The following IFT74 variants were observed in gnomAD, a reference collection of about 807,000 sequenced individuals.
The protein encoded by IFT74 is intraflagellar transport 74.
A neutral mutation model predicts 96.7 loss-of-function variants in IFT74; 92 were observed. The ratio of observed to expected loss-of-function variants is 0.95; its 90% confidence interval spans 0.80 to 1.13. IFT74 has a LOEUF of 1.13. IFT74 is among the 50% of genes most tolerant of loss of function. The pLI, the probability that IFT74 is intolerant of heterozygous loss-of-function variation, is 0.00. For missense variants in IFT74, 811 were observed against 698.2 expected, an observed-to-expected ratio of 1.16 and a Z score of -1.82; for synonymous variants, 223 against 213.2, an observed-to-expected ratio of 1.05 and a Z score of -0.40.
In IFT74 at chr9:26,998,085, A is replaced by G; in HGVS notation, c.587+7890A>G. On this transcript the variant is annotated intron_variant, in intron 8 of 19. Transcript: ENST00000380062. ...AAGATAGTAACCTTGTTCTCAATCA[A>G]ATAGAGCTCTGTGAGTAAAAAGTAT... 3 of 1,613,648 alleles carry G rather than the reference A, an allele frequency of 1.9e-6. No individual in the cohort carries two copies. In the South Asian group the frequency reaches 3.3e-5, roughly 18 times the overall value.
At chr9:26,979,926 G>A (rs563910444) in intron 3 of IFT74, among the ~76,000 whole-genome samples, 27 of 151,924 alleles carry the variant, frequency 1.8e-4, no homozygotes, top group African/African-American at 6.0e-4. Context: ...TATTGGCCAG[G>A]CTGGTCTTGA....
chr9:26,958,806 T>G (rs936031643), intron 1 of IFT74, among the ~76,000 whole-genome samples: 2 of 151,836 alleles, frequency 1.3e-5, no homozygotes, highest in African/African-American at 4.8e-5. Flanking sequence ...AAACCCTGAG[T>G]GTGGATAAGG....
At chr9:27,024,129 C>G (rs1207775202) in intron 12 of IFT74, among the ~76,000 whole-genome samples, 1 of 152,156 alleles carries the variant, frequency 6.6e-6, no homozygotes, top group Non-Finnish European at 1.5e-5. Flanking sequence ...CAGCTAATTC[C>G]ACTGCCTGTA....
chr9:27,037,586 G>C (rs937460351), intron 13 of IFT74, among the ~76,000 whole-genome samples: 2 of 152,204 alleles, frequency 1.3e-5, no homozygotes, highest in Admixed American at 1.3e-4. Context: ...TATAGAAGAA[G>C]AGGCCTAATA....
intron 10 of IFT74, among the ~76,000 whole-genome samples, chr9:27,014,556 T>C (rs1829254542): frequency 6.6e-6 from 1 of 152,200 alleles, no homozygotes; most frequent in Non-Finnish European, 1.5e-5. Flanking sequence ...TATGTGCAAA[T>C]TAAGATAACA....
intron 13 of IFT74, among the ~76,000 whole-genome samples, chr9:27,040,174 A>T (rs1156269299): frequency 6.6e-6 from 1 of 152,170 alleles, no homozygotes; most frequent in African/African-American, 2.4e-5. Flanking sequence ...TTGGCATAAT[A>T]TGTTAAAAGG....
chr9:26,963,114 G>A (rs985651631), intron 2 of IFT74, among the ~76,000 whole-genome samples: 9 of 151,568 alleles, frequency 5.9e-5, no homozygotes, highest in African/African-American at 1.2e-4. Flanking sequence ...CTCTCTCCCC[G>A]CACCCCACAA....
intron 11 of IFT74, among the ~76,000 whole-genome samples, chr9:27,018,205 T>G (rs1174814546): frequency 1.3e-5 from 2 of 152,214 alleles, no homozygotes; most frequent in African/African-American, 2.4e-5. Context: ...ATTTATTGCT[T>G]GTCAATGATA....
At chr9:27,047,435 A>C in intron 15 of IFT74, 64 bp downstream of exon 15, 1 of 951,230 alleles carries the variant, frequency 1.1e-6, no homozygotes, top group Non-Finnish European at 1.6e-6. Flanking sequence ...TTCCAAATAC[A>C]ACTCAAAAAA....
chr9:26,957,089 G>C (rs774417653), intron 1 of IFT74, among the ~76,000 whole-genome samples: 2 of 152,186 alleles, frequency 1.3e-5, no homozygotes, highest in Non-Finnish European at 2.9e-5. Context: ...AGTTTGTATC[G>C]CTAATCATTC....
At chr9:27,020,595 C>T (rs1268872262) in intron 12 of IFT74, among the ~76,000 whole-genome samples, 1 of 151,714 alleles carries the variant, frequency 6.6e-6, no homozygotes, top group Non-Finnish European at 1.5e-5. Context: ...CTGCCTCAGC[C>T]TCCCCAGTAG....
At chr9:27,052,605 C>T (rs115520054) in intron 16 of IFT74, among the ~76,000 whole-genome samples, 1 of 150,610 alleles carries the variant, frequency 6.6e-6, no homozygotes, top group Non-Finnish European at 1.5e-5. Context: ...AGATAAAAAT[C>T]CAGTTTAATA....
Position 27,024,002 on chromosome 9 carries a change from T to G in IFT74, c.975-5023T>G, listed in dbSNP as rs144502096. 2.3e-3 allele frequency among the ~76,000 whole-genome samples: 346 copies of G among 152,282 alleles called. 2 individuals are homozygous for G. The highest frequency in any genetic ancestry group is 7.9e-3 in the African/African-American group (327 of 41,568). ...CTTAGGGCAAGCTTGTATCCCCCCA[T>G]ACTACTGCAGCTGATGCCCTCTTGA... On this transcript the variant is annotated intron_variant, in intron 12 of 19. Transcript: ENST00000380062.
At chr9:27,015,672 A>C (rs1829304252) in intron 10 of IFT74, among the ~76,000 whole-genome samples, 1 of 152,046 alleles carries the variant, frequency 6.6e-6, no homozygotes, top group Admixed American at 6.6e-5. Flanking sequence ...CCCTTCTAAG[A>C]ATTTTATTTT....
chr9:26,992,419 G>A (rs924725277), intron 8 of IFT74, among the ~76,000 whole-genome samples: 1 of 152,152 alleles, frequency 6.6e-6, no homozygotes, highest in African/African-American at 2.4e-5. Flanking sequence ...TTGGCCAGGT[G>A]CAGTGGCTCA....
At chr9:27,018,605 A>C in intron 11 of IFT74, 42 bp from the exon 12 acceptor site, 1 of 1,094,746 alleles carries the variant, frequency 9.1e-7, no homozygotes, top group Non-Finnish European at 1.3e-6. Context: ...CCTTACAATG[A>C]GTTATTTTTT....
At chr9:27,025,690 A>C (rs1254953550) in intron 12 of IFT74, among the ~76,000 whole-genome samples, 1 of 152,056 alleles carries the variant, frequency 6.6e-6, no homozygotes, top group Non-Finnish European at 1.5e-5. Flanking sequence ...CTACCTTTAG[A>C]CTCCTTAAAA....
intron 16 of IFT74, among the ~76,000 whole-genome samples, chr9:27,050,828 T>C (rs1249924329): frequency 6.6e-6 from 1 of 152,040 alleles, no homozygotes; most frequent in African/African-American, 2.4e-5. Context: ...GGCACATGTA[T>C]ACATATGTAA....
At chr9:27,045,717 G>T (rs1027718221) in intron 14 of IFT74, among the ~76,000 whole-genome samples, 20 of 152,108 alleles carry the variant, frequency 1.3e-4, no homozygotes, top group African/African-American at 4.8e-4. Context: ...CTAGCGAAGT[G>T]CTAGAATTTC....
Sources: gnomAD v4.1 joint callset for allele counts (sites outside exome capture counted in the v4.1 genomes callset) on GRCh38, gnomAD v4.1.1 for gene constraint, MANE v1.5 for transcripts, NCBI Gene and HGNC (gene_info 2026-07-23, HGNC 2026-07-21) for gene names.